The following PTPRD variants were observed in gnomAD, a reference collection of about 807,000 sequenced individuals.
PTPRD encodes protein tyrosine phosphatase receptor type D.
A neutral mutation model predicts 214.5 loss-of-function variants in PTPRD; 34 were observed. That is an observed-to-expected ratio of 0.16 (90% CI 0.12 to 0.21). The LOEUF (loss-of-function observed/expected upper bound fraction) is 0.21. Ranked by LOEUF, PTPRD falls within the 10% of genes least tolerant of loss-of-function variation. The pLI is 1.00. For missense variants in PTPRD, 2,545 were observed against 2,398.7 expected (o/e 1.06, Z -1.27); for synonymous variants, 1,128 against 845.7 (o/e 1.33, Z -5.79).
chr9:9,821,884 G>A (rs1033433702), intron 5 of PTPRD, among the ~76,000 whole-genome samples: 2 of 150,260 alleles, frequency 1.3e-5, no homozygotes, highest in Non-Finnish European at 3.0e-5. Flanking sequence ...ATATGTATGT[G>A]TGCATGACTG....
At chr9:9,307,509 A>T (rs1170951889) in intron 9 of PTPRD, among the ~76,000 whole-genome samples, 1 of 152,142 alleles carries the variant, frequency 6.6e-6, no homozygotes, top group African/African-American at 2.4e-5. Context: ...GCTATCTCTC[A>T]TCCCTAACAT....
intron 7 of PTPRD, among the ~76,000 whole-genome samples, chr9:9,659,528 A>AT (rs1029607614): frequency 6.6e-5 from 10 of 151,820 alleles, no homozygotes; most frequent in Non-Finnish European, 8.8e-5. Flanking sequence ...AGGTGTTAGT[A>AT]TTTTTTTTAA....
intron 8 of PTPRD, among the ~76,000 whole-genome samples, chr9:9,436,275 G>A (rs1310453724): frequency 6.6e-6 from 1 of 151,982 alleles, no homozygotes; most frequent in Admixed American, 6.6e-5. Context: ...ATCCTTCAAT[G>A]GATTTTCACT....
In PTPRD at chr9:9,121,143, A is replaced by T. The variant is rs559236694; in HGVS notation, c.-143+62161T>A. ...TCTTGTAGTAAACAGAACATAAGAA[A>T]CATGGCATAGATGCTGTCATAGTCA... On this transcript the variant is annotated intron_variant, in intron 10 of 45. Transcript: ENST00000381196. 1.9e-4 allele frequency among the ~76,000 whole-genome samples: 29 copies of T among 152,332 alleles called. 2 individuals carry two copies. In the South Asian group the frequency reaches 5.0e-3, roughly 26 times the overall value.
intron 33 of PTPRD, among the ~76,000 whole-genome samples, chr9:8,457,709 C>T (rs763446079): frequency 1.3e-5 from 2 of 151,972 alleles, no homozygotes. Context: ...AGTGGATTAT[C>T]AATATAATGT....
chr9:10,578,185 C>T (rs2070242573), intron 2 of PTPRD, among the ~76,000 whole-genome samples: 2 of 152,224 alleles, frequency 1.3e-5, no homozygotes, highest in South Asian at 4.1e-4. Context: ...GCTGAGATTA[C>T]AGGCATGAGC....
intron 7 of PTPRD, among the ~76,000 whole-genome samples, chr9:9,698,888 A>C (rs994290892): frequency 6.6e-5 from 10 of 152,134 alleles, no homozygotes; most frequent in African/African-American, 1.2e-4. Flanking sequence ...TGGAGTTTTT[A>C]CTTCTCTGTA....
At chr9:8,836,678 C>T (rs1257771313) in intron 11 of PTPRD, among the ~76,000 whole-genome samples, 3 of 146,820 alleles carry the variant, frequency 2.0e-5, no homozygotes, top group Non-Finnish European at 4.5e-5. Flanking sequence ...CTCACTGCAG[C>T]CTCTGCCTCC....
chr9:8,529,596 C>T (rs779667347), intron 14 of PTPRD, among the ~76,000 whole-genome samples: 19 of 152,084 alleles, frequency 1.2e-4, no homozygotes, highest in Non-Finnish European at 2.5e-4. Flanking sequence ...CTACCCACAT[C>T]GAAACTGTTC....
chr9:9,527,212 T>G (rs1352039563), intron 8 of PTPRD, among the ~76,000 whole-genome samples: 1 of 152,184 alleles, frequency 6.6e-6, no homozygotes, highest in South Asian at 2.1e-4. Flanking sequence ...TTTCTAATCT[T>G]AAATCAATTG....
intron 2 of PTPRD, among the ~76,000 whole-genome samples, chr9:10,470,210 C>G (rs1461026092): frequency 6.6e-6 from 1 of 151,786 alleles, no homozygotes; most frequent in African/African-American, 2.4e-5. Context: ...ATGTTTGTAT[C>G]AAAATATAAT....
At position 8,341,127 on chromosome 9, in the gene PTPRD, A is replaced by G; in HGVS notation, c.5089T>C (p.Ser1697Pro). 1 of 1,612,836 alleles carries G rather than the reference A, an allele frequency of 6.2e-7. No individual in the cohort carries two copies. Residue 1697 changes from serine to proline, a missense_variant, in exon 41 of 46, where the codon TCT (serine) becomes CCT (proline). By Grantham distance (74) the Ser-to-Pro change is moderately conservative (BLOSUM62 -1). Coordinates refer to ENST00000381196, the MANE Select transcript of PTPRD (RefSeq NM_002839.4). ...ATAAAACTGGCATTGATGTAATCAG[A>G]TCCTTCTACTCCACGGATAGGCTGC... The part of the protein sequence containing the change: ...CLQPIRGVEG[S>P]DYINASFIDG...
intron 2 of PTPRD, among the ~76,000 whole-genome samples, chr9:10,349,075 T>C (rs1259274432): frequency 6.6e-6 from 1 of 152,190 alleles, no homozygotes; most frequent in South Asian, 2.1e-4. Flanking sequence ...CTCTGCCTTA[T>C]TGTCTATGTT....
chr9:9,000,187 G>A (rs1313204500), intron 11 of PTPRD, among the ~76,000 whole-genome samples: 1 of 152,020 alleles, frequency 6.6e-6, no homozygotes, highest in Non-Finnish European at 1.5e-5. Flanking sequence ...CGCTGCATGT[G>A]GAGCTGCGTT....
At chr9:10,557,448 G>C (rs2062867618) in intron 2 of PTPRD, among the ~76,000 whole-genome samples, 1 of 151,850 alleles carries the variant, frequency 6.6e-6, no homozygotes, top group Non-Finnish European at 1.5e-5. Context: ...TTTTGTTTTT[G>C]TTTTTTCCTT....
At chr9:10,590,972 T>C (rs1358746680) in intron 2 of PTPRD, among the ~76,000 whole-genome samples, 2 of 151,642 alleles carry the variant, frequency 1.3e-5, no homozygotes, top group African/African-American at 2.4e-5. Flanking sequence ...GATTTAAGAA[T>C]GTTTGAAAAA....
chr9:9,990,123 G>C (rs1295455733), intron 4 of PTPRD, among the ~76,000 whole-genome samples: 1 of 152,148 alleles, frequency 6.6e-6, no homozygotes, highest in Non-Finnish European at 1.5e-5. Context: ...CTCTTTCTAT[G>C]GATGAAAGGA....
chr9:8,819,483 G>A (rs1240406466), intron 11 of PTPRD, among the ~76,000 whole-genome samples: 7 of 152,030 alleles, frequency 4.6e-5, no homozygotes, highest in Non-Finnish European at 7.3e-5. Context: ...CCAACATGGC[G>A]AAACCCGTCT....
intron 24 of PTPRD, 119 bp from the exon 25 acceptor site, chr9:8,499,959 T>C (rs1380061642): frequency 5.6e-6 from 4 of 717,214 alleles, no homozygotes; most frequent in Admixed American, 7.4e-5. Flanking sequence ...CCACTATGTT[T>C]TCTTTGAAGA....
Sources: allele counts gnomAD v4.1 joint callset (sites outside exome capture counted in the v4.1 genomes callset), GRCh38; gene constraint gnomAD v4.1.1; transcripts MANE v1.5; gene names NCBI Gene and HGNC (gene_info 2026-07-23, HGNC 2026-07-21).